Variants in GPAT4 observed in about 807,000 individuals in gnomAD.
GPAT4 encodes 1-AGP acyltransferase 6.
GPAT4 carries 17 observed loss-of-function variants against 58.0 expected under a neutral mutation model. The ratio of observed to expected loss-of-function variants is 0.29; its 90% CI spans 0.20 to 0.44. The LOEUF is 0.44. GPAT4 is among the 20% of genes least tolerant of loss of function. The pLI is 1.00. For synonymous variants in GPAT4, 204 were observed against 210.1 expected, an observed-to-expected ratio of 0.97 and a Z score of 0.25; for missense variants, 377 against 574.5, an observed-to-expected ratio of 0.66 and a Z score of 3.51.
At chr8:41,615,654 T>C (rs890005201) in intron 10 of GPAT4, among the ~76,000 whole-genome samples, 3 of 152,168 alleles carry the variant, frequency 2.0e-5, no homozygotes, top group African/African-American at 7.2e-5. Context: ...ATCTGCACAT[T>C]GTTCCTCCCC....
At chr8:41,618,440 C>T in intron 10 of GPAT4, 1 of 552,830 alleles carries the variant, frequency 1.8e-6, no homozygotes, top group Non-Finnish European at 3.2e-6. Flanking sequence ...TTGCTTGAGG[C>T]AGGCTGTCAG....
At chr8:41,611,297 A>G (rs1252265284) in intron 5 of GPAT4, among the ~76,000 whole-genome samples, 1 of 152,152 alleles carries the variant, frequency 6.6e-6, no homozygotes, top group Non-Finnish European at 1.5e-5. Flanking sequence ...ATTTTGATCT[A>G]TGACTGTTCT....
Position 41,609,721 on chromosome 8 carries a change from G to A in GPAT4, c.302G>A (p.Ser101Asn), listed in dbSNP as rs759349840. 1 of 1,614,144 alleles carries A rather than the reference G, an allele frequency of 6.2e-7. No individual in the cohort carries two copies. Among genetic ancestry groups the A allele is most frequent in the South Asian group, 1.1e-5 (1 of 91,086 alleles). The change falls in exon 4 of 13, where the codon AGT (serine) becomes AAT (asparagine). Residue 101 changes from serine (S) to asparagine (N), a missense_variant. Ser to Asn is a conservative substitution (Grantham distance 46). Coordinates refer to ENST00000396987, the MANE Select transcript of GPAT4 (RefSeq NM_178819.4). ...AAAGAGATTCGTCGAAGTGGTAGTA[G>A]TAAGGCTCTGGACAACACTCCAGAG... ...EIKEIRRSGS[S>N]KALDNTPEFE...
At chr8:41,584,599 T>C (rs747731953) in intron 1 of GPAT4, among the ~76,000 whole-genome samples, 1 of 152,226 alleles carries the variant, frequency 6.6e-6, no homozygotes, top group Admixed American at 6.5e-5. Flanking sequence ...AAGTTGCTTC[T>C]AATTACATAT....
chr8:41,614,050 A>G (rs889608482), intron 8 of GPAT4, among the ~76,000 whole-genome samples: 8 of 152,254 alleles, frequency 5.3e-5, no homozygotes, highest in African/African-American at 1.9e-4. Flanking sequence ...CACAACTGTT[A>G]CATAGTCTAG....
intron 9 of GPAT4, 28 bp from the exon 10 acceptor site, chr8:41,614,935 T>C (rs1157527777): frequency 5.0e-6 from 8 of 1,587,504 alleles, no homozygotes; most frequent in African/African-American, 4.0e-5. Context: ...CCAACAGAAA[T>C]AGCATTTTAT....
At chr8:41,594,828 A>G (rs1374971280) in intron 1 of GPAT4, among the ~76,000 whole-genome samples, 1 of 152,128 alleles carries the variant, frequency 6.6e-6, no homozygotes, top group Non-Finnish European at 1.5e-5. Context: ...TTCAGGCGTA[A>G]GCCACCGTGC....
At chr8:41,586,188 A>G (rs1336874645) in intron 1 of GPAT4, among the ~76,000 whole-genome samples, 1 of 152,200 alleles carries the variant, frequency 6.6e-6, no homozygotes, top group Non-Finnish European at 1.5e-5. Flanking sequence ...GGTCTTTTCA[A>G]TGGGTTTCAT....
In GPAT4 at chr8:41,600,036, C is replaced by CTTTTTTTTTTTTTTTTTTTTTTTTTTT. The variant is rs758905649; in HGVS notation, c.165+750_165+751insTTTTTTTTTTTTTTTTTTTTTTTTTTT. 2.4e-4 allele frequency among the ~76,000 whole-genome samples: 24 copies of CTTTTTTTTTTTTTTTTTTTTTTTTTTT among 100,332 alleles called. 1 individual carries two copies. Among genetic ancestry groups the CTTTTTTTTTTTTTTTTTTTTTTTTTTT allele is most frequent in the Non-Finnish European group, 3.8e-4 (20 of 52,458 alleles). 65.8% of individuals were successfully genotyped at this position (100,332 alleles called of 152,430 possible). A position where few individuals can be genotyped will look rare whatever the true frequency, so the allele number is the denominator to read the frequency against. On this transcript the variant is annotated intron_variant, in intron 2 of 12. Transcript: ENST00000396987. Reference sequence around the variant, plus strand: ...TGTTCATATTTTATCTTTTTCTTTTCTTTTTTTTTTTTTTTTTTCGAGACA... The same window carrying CTTTTTTTTTTTTTTTTTTTTTTTTTTT: ...TGTTCATATTTTATCTTTTTCTTTTCTTTTTTTTTTTTTTTTTTTTTTTTTTTTTTTTTTTTTTTTTTTTTCGAGACA...
intron 1 of GPAT4, among the ~76,000 whole-genome samples, chr8:41,591,064 C>A (rs1802776083): frequency 6.6e-6 from 1 of 152,046 alleles, no homozygotes; most frequent in African/African-American, 2.4e-5. Flanking sequence ...GTGAGTAATT[C>A]CTGTCCCTTT....
In GPAT4 at chr8:41,599,427, G is replaced by A. The variant is rs1343327025; in HGVS notation, c.165+123G>A. 2.5e-6 allele frequency: 3 copies of A among 1,186,014 alleles called. No homozygotes were observed. The East Asian group carries it at 7.5e-5, about 30-fold the overall frequency. The allele number at this position is 1,186,014 out of a possible 1,614,324, so 73.5% of individuals were successfully genotyped here. On this transcript the variant is annotated intron_variant, in intron 2 of 12. Transcript: ENST00000396987. The stretch of plus-strand genomic sequence containing the variant: ...AGGGAGAAAGTTGGGAGAATGGGAA[G>A]TGGCTTTTTGAGTAAGAAGAATAAC...
chr8:41,582,468 C>CACAT (rs1802543040), intron 1 of GPAT4, among the ~76,000 whole-genome samples: 1 of 146,898 alleles, frequency 6.8e-6, no homozygotes. Flanking sequence ...CACACACACA[C>CACAT]ACACACACAT....
chr8:41,599,516 A>G (rs937411027), intron 2 of GPAT4, among the ~76,000 whole-genome samples: 30 of 152,210 alleles, frequency 2.0e-4, no homozygotes, highest in Non-Finnish European at 7.3e-5. Flanking sequence ...GACCTATACC[A>G]TGACTCCACA....
In GPAT4 at chr8:41,621,136, G is replaced by A. The variant is rs548776950; in HGVS notation, c.*135G>A. The A allele has an allele frequency of 2.1e-5, 27 of 1,284,680 alleles. No individual in the cohort carries two copies. Among genetic ancestry groups the A allele is most frequent in the Admixed American group, 7.9e-5 (3 of 38,106 alleles). The allele number at this position is 1,284,680 out of a possible 1,614,324, so 79.6% of individuals were successfully genotyped here. A position where few individuals can be genotyped will look rare whatever the true frequency, so the allele number is the denominator to read the frequency against. Reference sequence around the variant, plus strand: ...GGGCTGCTCTGGATCCCAGGACTCCGGCTTTCGCCGAGCCGCAGCGGGATC... The same window carrying A: ...GGGCTGCTCTGGATCCCAGGACTCCAGCTTTCGCCGAGCCGCAGCGGGATC... On this transcript the variant is annotated 3_prime_UTR_variant, in exon 13 of 13. Transcript: ENST00000396987.
chr8:41,604,677 G>T (rs983270686), intron 2 of GPAT4, among the ~76,000 whole-genome samples: 1 of 152,206 alleles, frequency 6.6e-6, no homozygotes, highest in Non-Finnish European at 1.5e-5. Context: ...ATCAGGTCAC[G>T]TTAGAGAAGA....
intron 2 of GPAT4, among the ~76,000 whole-genome samples, chr8:41,609,107 C>G (rs1304606813): frequency 6.6e-6 from 1 of 152,238 alleles, no homozygotes; most frequent in Non-Finnish European, 1.5e-5. Flanking sequence ...TCTGTGCTGT[C>G]AGCAAGTGAG....
intron 1 of GPAT4, among the ~76,000 whole-genome samples, chr8:41,580,920 C>G (rs1585643505): frequency 1.3e-5 from 2 of 152,250 alleles, no homozygotes; most frequent in Admixed American, 1.3e-4. Flanking sequence ...AAAGAAAAAC[C>G]CACTTTTCTT....
rs757901490 is a variant in GPAT4 at position 41,614,944 on chromosome 8, A to G, written c.968-19A>G. 6.2e-7 allele frequency: 1 copy of G among 1,604,106 alleles called. No individual in the cohort carries two copies. The highest frequency in any genetic ancestry group is 2.2e-5 in the East Asian group (1 of 44,828). On this transcript the variant is annotated intron_variant, in intron 9 of 12. Transcript: ENST00000396987. ...AAAGGGCCAACAGAAATAGCATTTT[A>G]TTGTCTCCTGCATTTTAGGAACCTG...
chr8:41,587,759 G>A (rs1179724203), intron 1 of GPAT4, among the ~76,000 whole-genome samples: 1 of 152,186 alleles, frequency 6.6e-6, no homozygotes, highest in South Asian at 2.1e-4. Flanking sequence ...CCACTGGTCC[G>A]ATTTATCCTT....
Sources: allele counts gnomAD v4.1 joint callset (sites outside exome capture counted in the v4.1 genomes callset), GRCh38; gene constraint gnomAD v4.1.1; transcripts MANE v1.5; gene names NCBI Gene and HGNC (gene_info 2026-07-23, HGNC 2026-07-21).